The following MYBPC1 variants were observed in gnomAD, a reference collection of about 807,000 sequenced individuals.
MYBPC1 encodes myosin binding protein C1.
Under a neutral mutation model 147.1 loss-of-function variants are expected in MYBPC1, and 52 were observed. That is an observed-to-expected ratio of 0.35 (90% CI 0.28 to 0.45). The LOEUF (loss-of-function observed/expected upper bound fraction) is 0.45, where lower values mean the gene tolerates loss of function less well. Among genes scored for constraint, MYBPC1 ranks in the 20% least tolerant of loss-of-function variants. MYBPC1 has a pLI of 1.00. For synonymous variants in MYBPC1, 477 were observed against 475.9 expected, an observed-to-expected ratio of 1.00 and a Z score of -0.03; for missense variants, 1,228 against 1,440.3, an observed-to-expected ratio of 0.85 and a Z score of 2.39.
Position 101,685,591 on chromosome 12 carries a change from CCTT to C in MYBPC1, c.*32_*34del. ...TTTTGGTCCTCTCTAGGTGGGCTCT[CCTT>C]CTGCAGACTCCTCTTGCAAGGCGTA... On this transcript the variant is annotated 3_prime_UTR_variant, in exon 32 of 32. Coordinates refer to ENST00000361466, the MANE Select transcript of MYBPC1 (RefSeq NM_002465.4). 1 of 1,531,750 alleles carries C rather than the reference CCTT, an allele frequency of 6.5e-7. No homozygotes were observed. Among genetic ancestry groups the C allele is most frequent in the East Asian group, 2.4e-5 (1 of 40,874 alleles). 94.9% of individuals were successfully genotyped at this position (1,531,750 alleles called of 1,614,324 possible).
chr12:101,678,188 A>G lies in MYBPC1; in HGVS notation c.3196A>G (p.Ile1066Val), dbSNP rs780538227. Residue 1066 changes from isoleucine (I) to valine (V), a missense_variant, in exon 28 of 32, where the codon ATA (isoleucine) becomes GTA (valine). By Grantham distance (29) the Ile-to-Val change is conservative. Around this residue, in one of 2 missense-constraint regions of MYBPC1, gnomAD observed 1,077 missense variants for 1,314.2 expected, o/e 0.82. Transcript: ENST00000361466. ...TCAGCCTTTGGTTAACACCTATGCC[A>G]TAGCTGGTTACAATGCCACCCTAAA... Reference protein sequence around the residue: ...FTQPLVNTYAIAGYNATLNCS... With the variant: ...FTQPLVNTYAVAGYNATLNCS... 2 of 1,614,184 alleles carry G rather than the reference A, an allele frequency of 1.2e-6. No individual in the cohort carries two copies. Among genetic ancestry groups the G allele is most frequent in the South Asian group, 1.1e-5 (1 of 91,088 alleles).
chr12:101,607,943 C>A (rs1406596536), intron 1 of MYBPC1, among the ~76,000 whole-genome samples: 1 of 152,158 alleles, frequency 6.6e-6, no homozygotes, highest in African/African-American at 2.4e-5. Flanking sequence ...TGGAGAGGGC[C>A]AAGCCATTTA....
At chr12:101,625,193 AAT>A (rs1491181255) in intron 3 of MYBPC1, among the ~76,000 whole-genome samples, 9,263 of 104,966 alleles carry the variant, frequency 0.088, 767 homozygotes, top group African/African-American at 0.25. Context: ...TTAAAAAAAA[AAT>A]AAATAAATAA....
chr12:101,664,937 G>GT (rs1897180581), intron 22 of MYBPC1, among the ~76,000 whole-genome samples: 1 of 152,140 alleles, frequency 6.6e-6, no homozygotes, highest in African/African-American at 2.4e-5. Flanking sequence ...ACTCCATTCT[G>GT]TTTTTTTGTA....
intron 22 of MYBPC1, 130 bp downstream of exon 22, chr12:101,663,690 C>A: frequency 1.9e-6 from 2 of 1,076,028 alleles, no homozygotes; most frequent in African/African-American, 1.6e-5. Context: ...CAAACGTCAT[C>A]CTTCTGAGAT....
intron 3 of MYBPC1, among the ~76,000 whole-genome samples, chr12:101,620,475 T>C (rs1163790940): frequency 6.6e-6 from 1 of 152,210 alleles, no homozygotes; most frequent in African/African-American, 2.4e-5. Context: ...TTACACTTTA[T>C]GGGGAAGAAC....
chr12:101,690,035 C>A (rs1421492340), downstream of MYBPC1, among the ~76,000 whole-genome samples: 1 of 152,098 alleles, frequency 6.6e-6, no homozygotes, highest in Non-Finnish European at 1.5e-5. Flanking sequence ...ATTAGCCAGG[C>A]GTGGTGGCGC....
intron 5 of MYBPC1, 54 bp downstream of exon 5, chr12:101,627,858 T>G (rs781050270): frequency 6.5e-7 from 1 of 1,547,952 alleles, no homozygotes; most frequent in Non-Finnish European, 8.9e-7. Flanking sequence ...CAATCACTAA[T>G]GAGCTCATTT....
rs79601279 is a variant in MYBPC1 at position 101,671,335 on chromosome 12, A to T, written c.2613+926A>T. On this transcript the variant is annotated intron_variant, in intron 24 of 31. Transcript: ENST00000361466. ...TACACACACACACACACACACACAC[A>T]CACTCACACACACACACTCACACAT... is the stretch of plus-strand genomic sequence containing the variant. 2.4e-4 allele frequency among the ~76,000 whole-genome samples: 34 copies of T among 142,478 alleles called. No individual in the cohort carries two copies. The South Asian group carries it at 2.6e-3, about 11-fold the overall frequency. 93.5% of individuals were successfully genotyped at this position (142,478 alleles called of 152,430 possible).
intron 3 of MYBPC1, among the ~76,000 whole-genome samples, chr12:101,624,378 A>G (rs1328769296): frequency 6.6e-6 from 1 of 152,194 alleles, no homozygotes; most frequent in Non-Finnish European, 1.5e-5. Flanking sequence ...TCTTTTTGTC[A>G]GGAATTTTTA....
intron 10 of MYBPC1, among the ~76,000 whole-genome samples, chr12:101,639,845 G>C (rs773866548): frequency 2.2e-4 from 33 of 151,794 alleles, no homozygotes; most frequent in Non-Finnish European, 4.4e-4. Context: ...TGTAATGTAT[G>C]TGTGCAATTC....
chr12:101,677,210 C>T, intron 26 of MYBPC1, 25 bp from the exon 27 acceptor site: 1 of 1,605,296 alleles, frequency 6.2e-7, no homozygotes, highest in Non-Finnish European at 8.5e-7. Context: ...GATTTTCCTC[C>T]AGTTATTATT....
Position 101,675,232 on chromosome 12 carries a change from A to G in MYBPC1, c.2810-60A>G, listed in dbSNP as rs547167400. 6 of 1,605,496 alleles carry G rather than the reference A, an allele frequency of 3.7e-6. No homozygotes were observed. In the Admixed American group the frequency reaches 5.1e-5, roughly 14 times the overall value. On this transcript the variant is annotated intron_variant, in intron 25 of 31. Coordinates refer to ENST00000361466, the MANE Select transcript of MYBPC1 (RefSeq NM_002465.4). ...GGGTCTTTTAAAATATCCTCATGAA[A>G]CAAAATGTAGACTGGGAAAGAAAGT... is the stretch of plus-strand genomic sequence containing the variant.
chr12:101,608,298 T>C (rs1883018367), intron 1 of MYBPC1, among the ~76,000 whole-genome samples: 4 of 152,270 alleles, frequency 2.6e-5, no homozygotes, highest in Admixed American at 2.6e-4. Flanking sequence ...TCCCTTAAAA[T>C]ATCCCCTTGG....
intron 22 of MYBPC1, 65 bp downstream of exon 22, chr12:101,663,625 CTTTT>C (rs1007385879): frequency 2.1e-5 from 33 of 1,541,580 alleles, no homozygotes; most frequent in Non-Finnish European, 2.4e-5. Flanking sequence ...CCTCCCCTTT[CTTTT>C]GTCTCTCTTT....
chr12:101,663,096 A>T (rs1896853745), intron 21 of MYBPC1, among the ~76,000 whole-genome samples: 1 of 152,194 alleles, frequency 6.6e-6, no homozygotes, highest in Non-Finnish European at 1.5e-5. Context: ...ATGTAATACA[A>T]GTTTGCACTT....
intron 19 of MYBPC1, chr12:101,660,146 A>G: frequency 2.5e-6 from 1 of 394,624 alleles, no homozygotes. Context: ...TTAGACAACT[A>G]TCGAAGTGCA....
chr12:101,651,213 G>T lies in MYBPC1; in HGVS notation c.1364-18G>T. On this transcript the variant is annotated intron_variant, in intron 15 of 31. Coordinates refer to ENST00000361466, the MANE Select transcript of MYBPC1 (RefSeq NM_002465.4). ...GGAGTTTGGGCTTGGCATTTGTGATGGTCTATCATTTCTACAGTGAAACCT... is the reference window on the plus strand; with the variant it reads ...GGAGTTTGGGCTTGGCATTTGTGATTGTCTATCATTTCTACAGTGAAACCT... 6.2e-7 allele frequency: 1 copy of T among 1,613,866 alleles called. No individual in the cohort carries two copies. The highest frequency in any genetic ancestry group is 8.5e-7 in the Non-Finnish European group (1 of 1,179,868).
chr12:101,678,267 A>C (rs780446308), intron 28 of MYBPC1, 29 bp downstream of exon 28: 10 of 1,612,106 alleles, frequency 6.2e-6, no homozygotes, highest in Non-Finnish European at 8.5e-6. Flanking sequence ...ACATCAGTTA[A>C]AGTCCCTGTC....
Sources: gnomAD v4.1 joint callset for allele counts (sites outside exome capture counted in the v4.1 genomes callset) on GRCh38, gnomAD v4.1.1 for gene constraint, gnomAD v4.1.1 regional missense constraint, MANE v1.5 for transcripts, NCBI Gene and HGNC (gene_info 2026-07-23, HGNC 2026-07-21) for gene names.